The following DNAI3 variants were observed in gnomAD, a reference collection of about 807,000 sequenced individuals.
DNAI3 encodes the protein WD repeat domain 63.
DNAI3 carries 83 observed loss-of-function variants against 115.5 expected under a neutral mutation model. The ratio of observed to expected loss-of-function variants is 0.72; its 90% CI spans 0.60 to 0.86. The LOEUF (loss-of-function observed/expected upper bound fraction) is 0.86. Ranked by LOEUF, DNAI3 falls within the 40% of genes least tolerant of loss-of-function variation. The pLI, the probability that DNAI3 is intolerant of heterozygous loss-of-function variation, is 0.00. For synonymous variants in DNAI3, 320 were observed against 347.0 expected (o/e 0.92, Z 0.86); for missense variants, 1,004 against 1,075.8 (o/e 0.93, Z 0.93).
At position 85,126,630 on chromosome 1, in the gene DNAI3, C is replaced by A. The variant is rs1373320100; in HGVS notation, c.2232C>A (p.Asp744Glu). ...GREDGYIDIW[D>E]LLEKTHEPAQ... ...AAGATGGATACATTGATATCTGGGA[C>A]CTTCTGGAGAAAACCCATGAACCAG... The change falls in exon 20 of 23, where the codon GAC becomes GAA. Residue 744 changes from aspartate (D) to glutamate (E), a missense_variant. Physicochemically the swap from Asp to Glu is conservative, Grantham distance 45. Transcript: ENST00000294664. The A allele has an allele frequency of 1.9e-6, 3 of 1,614,046 alleles. No individual in the cohort carries two copies. In the South Asian group the frequency reaches 3.3e-5, roughly 18 times the overall value.
At chr1:85,064,666 G>A (rs1309888739) in intron 1 of DNAI3, among the ~76,000 whole-genome samples, 3 of 152,116 alleles carry the variant, frequency 2.0e-5, no homozygotes, top group East Asian at 1.9e-4. Flanking sequence ...TTGGGAGGCC[G>A]AGGCAGGAGG....
rs778051327 is a variant in DNAI3, at chr1:85,128,803, A to G, written c.2409+4A>G. 1.2e-6 allele frequency: 2 copies of G among 1,607,894 alleles called. No individual in the cohort carries two copies. The highest frequency in any genetic ancestry group is 1.7e-6 in the Non-Finnish European group (2 of 1,175,792). On this transcript the variant is annotated splice_donor_region_variant and intron_variant, in intron 21 of 22. Transcript: ENST00000294664. ...AAGTCGCCCTTCCACCAATGAGGTT[A>G]GTAACTAACTTATGACTTTGAGAAT...
At chr1:85,100,992 G>T (rs1013899289) in intron 13 of DNAI3, among the ~76,000 whole-genome samples, 1 of 151,616 alleles carries the variant, frequency 6.6e-6, no homozygotes, top group African/African-American at 2.4e-5. Flanking sequence ...GGGAGGAGGG[G>T]GGATAGCATT....
intron 1 of DNAI3, among the ~76,000 whole-genome samples, chr1:85,066,318 T>TTTC (rs1654095275): frequency 8.4e-6 from 1 of 118,588 alleles, no homozygotes; most frequent in African/African-American, 3.3e-5. Flanking sequence ...GCTACTCTTT[T>TTTC]TTTTTTTTTT....
At chr1:85,110,242 C>G (rs1012167279) in intron 16 of DNAI3, 107 bp downstream of exon 16, 22 of 895,592 alleles carry the variant, frequency 2.5e-5, no homozygotes, top group Admixed American at 4.7e-5. Context: ...ACGAGGTCAG[C>G]AGATCGAGAT....
intron 7 of DNAI3, among the ~76,000 whole-genome samples, chr1:85,087,434 C>CAAAAA (rs1162431713): frequency 8.2e-3 from 372 of 45,450 alleles, no homozygotes; most frequent in Non-Finnish European, 9.8e-3. Context: ...GACTCCATCT[C>CAAAAA]AAAAAAAAAA....
At chr1:85,069,902 C>A (rs1449804945) in intron 1 of DNAI3, among the ~76,000 whole-genome samples, 2 of 152,094 alleles carry the variant, frequency 1.3e-5, no homozygotes, top group South Asian at 2.1e-4. Context: ...TGAGTCAGAT[C>A]CATTCATTGC....
intron 20 of DNAI3, among the ~76,000 whole-genome samples, chr1:85,128,051 G>A (rs984884339): frequency 1.3e-5 from 2 of 150,732 alleles, no homozygotes; most frequent in Middle Eastern, 3.2e-3. Flanking sequence ...ATTCAGCCTG[G>A]GAGGTTGAGG....
chr1:85,098,161 A>G (rs1274934904), intron 12 of DNAI3, among the ~76,000 whole-genome samples: 2 of 152,194 alleles, frequency 1.3e-5, no homozygotes, highest in African/African-American at 4.8e-5. Context: ...CCTACCCACC[A>G]TATTATGCAT....
In DNAI3 at chr1:85,110,925, A is replaced by G. The variant is rs150745653; in HGVS notation, c.1786+790A>G. On this transcript the variant is annotated intron_variant, in intron 16 of 22. Transcript: ENST00000294664. ...AGAAAGAAAACTGACTTTTAAATCT[A>G]TCTCAACTCAACCCACACATCTTTG... is the stretch of plus-strand genomic sequence containing the variant. Among the ~76,000 whole-genome samples, 321 of 152,352 alleles carry G rather than the reference A, an allele frequency of 2.1e-3. 1 individual carries two copies. The highest frequency in any genetic ancestry group is 7.2e-3 in the African/African-American group (299 of 41,592).
intron 7 of DNAI3, among the ~76,000 whole-genome samples, chr1:85,087,046 T>C (rs1330237899): frequency 6.6e-6 from 1 of 152,082 alleles, no homozygotes; most frequent in Non-Finnish European, 1.5e-5. Context: ...GTGTTTAAGC[T>C]TACGAGTCCT....
intron 16 of DNAI3, among the ~76,000 whole-genome samples, chr1:85,112,311 A>T (rs896824218): frequency 6.6e-6 from 1 of 152,190 alleles, no homozygotes; most frequent in Non-Finnish European, 1.5e-5. Context: ...CATTGTATGG[A>T]TACACAACAG....
intron 7 of DNAI3, among the ~76,000 whole-genome samples, chr1:85,086,680 G>A (rs576317621): frequency 6.6e-6 from 1 of 151,942 alleles, no homozygotes; most frequent in Non-Finnish European, 1.5e-5. Flanking sequence ...CAAAAGCCTT[G>A]GATTTTGTTG....
intron 13 of DNAI3, among the ~76,000 whole-genome samples, chr1:85,099,133 C>T (rs1157474433): frequency 6.6e-6 from 1 of 152,142 alleles, no homozygotes. Flanking sequence ...GACTGCCCAG[C>T]TTCTGCACTG....
rs767944911 is a variant in DNAI3 at position 85,095,994 on chromosome 1, A to C, written c.1237A>C (p.Ile413Leu). ...FKFCPSDPNI[I>L]AGGCINGQIV... ...GTTCTGTCCGAGTGATCCTAATATCATTGCTGGAGGCTGTATCAATGGGCA... is the reference window on the plus strand; with the variant it reads ...GTTCTGTCCGAGTGATCCTAATATCCTTGCTGGAGGCTGTATCAATGGGCA... The change falls in exon 11 of 23, where the codon ATT becomes CTT. Residue 413 changes from isoleucine to leucine, a missense_variant. Ile to Leu is a conservative substitution (Grantham distance 5). Coordinates refer to ENST00000294664, the MANE Select transcript of DNAI3 (RefSeq NM_145172.5). 1.2e-6 allele frequency: 2 copies of C among 1,613,912 alleles called. No individual in the cohort carries two copies. The highest frequency in any genetic ancestry group is 1.7e-6 in the Non-Finnish European group (2 of 1,179,860).
chr1:85,079,002 CA>C (rs917387351), intron 3 of DNAI3, among the ~76,000 whole-genome samples: 2 of 152,168 alleles, frequency 1.3e-5, no homozygotes, highest in African/African-American at 4.8e-5. Flanking sequence ...GCTGTCTTTC[CA>C]GTGTCAAGGA....
chr1:85,122,344 C>T (rs943387238), intron 18 of DNAI3, among the ~76,000 whole-genome samples: 2 of 152,098 alleles, frequency 1.3e-5, no homozygotes, highest in East Asian at 3.9e-4. Context: ...CTCCCAGGAC[C>T]TGGGCCTCTG....
chr1:85,104,275 C>G (rs1426883464), intron 13 of DNAI3, among the ~76,000 whole-genome samples: 3 of 152,022 alleles, frequency 2.0e-5, no homozygotes, highest in Non-Finnish European at 4.4e-5. Context: ...CGCCCACCAC[C>G]ACGCCCGGCT....
At chr1:85,107,302 G>A (rs1655516706) in intron 14 of DNAI3, among the ~76,000 whole-genome samples, 1 of 152,128 alleles carries the variant, frequency 6.6e-6, no homozygotes, top group Non-Finnish European at 1.5e-5. Context: ...TAGTGAAAAA[G>A]CTGTGGTGGG....
Sources: gnomAD v4.1 joint callset for allele counts (sites outside exome capture counted in the v4.1 genomes callset) on GRCh38, gnomAD v4.1.1 for gene constraint, MANE v1.5 for transcripts, NCBI Gene and HGNC (gene_info 2026-07-23, HGNC 2026-07-21) for gene names.